The following NXPH1 variants were observed in gnomAD, a reference collection of about 807,000 sequenced individuals.
NXPH1 encodes the protein neurexophilin 1.
A neutral mutation model predicts 23.7 loss-of-function variants in NXPH1; 5 were observed. The observed-to-expected ratio is 0.21, with a 90% CI of 0.11 to 0.44. The LOEUF is 0.44. NXPH1 is among the 20% of genes least tolerant of loss of function. The probability of loss-of-function intolerance (pLI) is 0.99; values close to 1 mark genes in which losing one functional copy is unlikely to be tolerated. For missense variants in NXPH1, 324 were observed against 321.6 expected (o/e 1.01, Z -0.06); for synonymous variants, 144 against 122.2 (o/e 1.18, Z -1.18).
At chr7:8,695,412 C>G (rs972239031) in intron 2 of NXPH1, among the ~76,000 whole-genome samples, 5 of 151,456 alleles carry the variant, frequency 3.3e-5, no homozygotes, top group African/African-American at 1.2e-4. Context: ...AGTTTGTTTA[C>G]AAGAGTTATT....
At chr7:8,674,651 T>C (rs984415858) in intron 2 of NXPH1, among the ~76,000 whole-genome samples, 2 of 152,188 alleles carry the variant, frequency 1.3e-5, no homozygotes, top group Admixed American at 1.3e-4. Context: ...TGGAAGATGC[T>C]GATCAATAGA....
rs1819653654 is a variant in NXPH1, at chr7:8,613,038, AG to A, written c.55-137967del. On this transcript the variant is annotated intron_variant, in intron 2 of 2. Transcript: ENST00000405863. ...GATGGTCAGTGTGTTGCCAAACTAT[AG>A]GGATATGTGTGTTTTTACTTATCAC... Among the ~76,000 whole-genome samples, 7 of 152,120 alleles carry A rather than the reference AG, an allele frequency of 4.6e-5. No individual in the cohort carries two copies. In the South Asian group the frequency reaches 1.4e-3, roughly 32 times the overall value.
chr7:8,716,973 C>G (rs1016496114), intron 2 of NXPH1, among the ~76,000 whole-genome samples: 1 of 152,208 alleles, frequency 6.6e-6, no homozygotes, highest in Non-Finnish European at 1.5e-5. Flanking sequence ...AGACACTGCT[C>G]TGGTGCCCCA....
chr7:8,751,958 G>C lies in NXPH1; in HGVS notation c.*189G>C. 1.8e-6 allele frequency: 1 copy of C among 570,500 alleles called. No homozygotes were observed. 35.3% of individuals were successfully genotyped at this position (570,500 alleles called of 1,614,324 possible). On this transcript the variant is annotated 3_prime_UTR_variant, in exon 3 of 3. Coordinates refer to ENST00000405863, the MANE Select transcript of NXPH1 (RefSeq NM_152745.3). The surrounding 1 kb of genome is among the most constrained non-coding windows in gnomAD (Gnocchi z 4.5). The stretch of plus-strand genomic sequence containing the variant: ...TCTGCCCAGTCAGCTTCATCCCTCA[G>C]TATAATTGTAAATCATCACAGATTT...
chr7:8,524,761 T>G (rs1283453714), intron 2 of NXPH1, among the ~76,000 whole-genome samples: 2 of 152,182 alleles, frequency 1.3e-5, no homozygotes, highest in East Asian at 3.9e-4. Flanking sequence ...TTTCCACTTT[T>G]GCTTCATCCT....
chr7:8,731,159 A>C (rs1267615214), intron 2 of NXPH1, among the ~76,000 whole-genome samples: 1 of 151,558 alleles, frequency 6.6e-6, no homozygotes, highest in Admixed American at 6.6e-5. Context: ...TGCATTCTTC[A>C]TGTAGTTCTC....
chr7:8,525,116 G>A (rs771065768), intron 2 of NXPH1, among the ~76,000 whole-genome samples: 10 of 152,290 alleles, frequency 6.6e-5, no homozygotes, highest in South Asian at 2.1e-4. Context: ...TTCTGATAGC[G>A]ATATGGACAA....
intron 2 of NXPH1, among the ~76,000 whole-genome samples, chr7:8,658,061 G>C (rs972560445): frequency 1.3e-5 from 2 of 152,114 alleles, no homozygotes; most frequent in Admixed American, 6.6e-5. Flanking sequence ...AAGCAACACT[G>C]TTTTTTGAAG....
At position 8,751,661 on chromosome 7, in the gene NXPH1, G is replaced by A. The variant is rs748237878; in HGVS notation, c.708G>A (p.Lys236=). ...HVSWLCSKPF[K]VICIYISFYS... is the part of the protein sequence containing the mutation. ...CCTGGCTCTGCTCCAAGCCCTTTAA[G>A]GTGATCTGTATTTACATTTCCTTTT... The change falls in exon 3 of 3, where the codon AAG becomes AAA. Residue 236 remains lysine (K), a synonymous_variant. Transcript: ENST00000405863. The surrounding 1 kb of genome is among the most constrained non-coding windows in gnomAD (Gnocchi z 4.5). 4 of 1,613,228 alleles carry A rather than the reference G, an allele frequency of 2.5e-6. No homozygotes were observed. The highest frequency in any genetic ancestry group is 3.4e-6 in the Non-Finnish European group (4 of 1,179,590).
intron 2 of NXPH1, among the ~76,000 whole-genome samples, chr7:8,529,057 C>G (rs981372238): frequency 1.3e-5 from 2 of 152,314 alleles, no homozygotes; most frequent in East Asian, 3.9e-4. Context: ...TCTTGTAGGA[C>G]TCTATTCCCT....
chr7:8,739,168 G>T (rs1262771009), intron 2 of NXPH1, among the ~76,000 whole-genome samples: 1 of 97,940 alleles, frequency 1.0e-5, no homozygotes, highest in Non-Finnish European at 1.9e-5. Flanking sequence ...GGCACCAGTG[G>T]GGTAAAAAAA....
intron 2 of NXPH1, among the ~76,000 whole-genome samples, chr7:8,496,362 G>A (rs1405531750): frequency 6.6e-6 from 1 of 151,946 alleles, no homozygotes; most frequent in Non-Finnish European, 1.5e-5. Flanking sequence ...GGAGAAAGAA[G>A]GCAGAAATTT....
intron 2 of NXPH1, among the ~76,000 whole-genome samples, chr7:8,598,773 G>C (rs1400572518): frequency 6.6e-6 from 1 of 152,112 alleles, no homozygotes; most frequent in African/African-American, 2.4e-5. Context: ...ACAAATATCA[G>C]TGCTTTTCTT....
chr7:8,440,414 A>AT (rs1174627012), intron 2 of NXPH1, among the ~76,000 whole-genome samples: 4 of 152,202 alleles, frequency 2.6e-5, no homozygotes, highest in Non-Finnish European at 4.4e-5. Context: ...TCTCAGCGGT[A>AT]TTTTTTCGGA....
At chr7:8,540,800 C>T (rs1408107069) in intron 2 of NXPH1, among the ~76,000 whole-genome samples, 1 of 151,614 alleles carries the variant, frequency 6.6e-6, no homozygotes, top group African/African-American at 2.4e-5. Context: ...TTCCTCCAGT[C>T]AGACTTGAAA....
chr7:8,438,742 A>G (rs1816242250), intron 2 of NXPH1, among the ~76,000 whole-genome samples: 1 of 152,210 alleles, frequency 6.6e-6, no homozygotes, highest in Admixed American at 6.5e-5. Flanking sequence ...CCCCACACCA[A>G]GCCACAGTTT....
chr7:8,674,203 ACC>A (rs1820915190), intron 2 of NXPH1, among the ~76,000 whole-genome samples: 1 of 115,302 alleles, frequency 8.7e-6, no homozygotes, highest in Admixed American at 1.0e-4. Flanking sequence ...ACACACACAC[ACC>A]TATGCAATTC....
chr7:8,689,637 T>G (rs1445377778), intron 2 of NXPH1, among the ~76,000 whole-genome samples: 3 of 151,952 alleles, frequency 2.0e-5, no homozygotes, highest in Admixed American at 6.6e-5. Context: ...GAACAGGGAG[T>G]AAATACAATA....
At chr7:8,610,476 A>T (rs996929875) in intron 2 of NXPH1, among the ~76,000 whole-genome samples, 1 of 152,184 alleles carries the variant, frequency 6.6e-6, no homozygotes, top group African/African-American at 2.4e-5. Flanking sequence ...AACATAACTT[A>T]AAAATTCCTT....
Sources: allele counts gnomAD v4.1 joint callset (sites outside exome capture counted in the v4.1 genomes callset), GRCh38; gene constraint gnomAD v4.1.1; non-coding constraint Gnocchi (gnomAD v3.1); transcripts MANE v1.5; gene names NCBI Gene and HGNC (gene_info 2026-07-23, HGNC 2026-07-21).